Variants in CNTNAP2 observed in about 807,000 individuals in gnomAD.
CNTNAP2 encodes contactin-associated protein-like 2.
Under a neutral mutation model 155.2 loss-of-function variants are expected in CNTNAP2, and 98 were observed. The ratio of observed to expected loss-of-function variants is 0.63; its 90% confidence interval spans 0.54 to 0.75. The LOEUF (loss-of-function observed/expected upper bound fraction) is 0.75. Ranked by LOEUF, CNTNAP2 falls within the 30% of genes least tolerant of loss-of-function variation. The pLI, the probability that CNTNAP2 is intolerant of heterozygous loss-of-function variation, is 0.00. For synonymous variants in CNTNAP2, 651 were observed against 631.2 expected, an observed-to-expected ratio of 1.03 and a Z score of -0.47; for missense variants, 1,727 against 1,688.1, an observed-to-expected ratio of 1.02 and a Z score of -0.40.
intron 16 of CNTNAP2, among the ~76,000 whole-genome samples, chr7:148,126,266 G>A (rs141843799): frequency 5.9e-5 from 9 of 152,258 alleles, no homozygotes; most frequent in African/African-American, 1.4e-4. Flanking sequence ...CGAGGGTTAC[G>A]GAACATTAGT....
At chr7:147,475,322 G>T (rs915119152) in intron 10 of CNTNAP2, among the ~76,000 whole-genome samples, 4 of 152,104 alleles carry the variant, frequency 2.6e-5, no homozygotes, top group Non-Finnish European at 5.9e-5. Context: ...TCTCCAGTGT[G>T]CACTCTGATC....
At chr7:147,070,252 C>G (rs368144189) in intron 4 of CNTNAP2, among the ~76,000 whole-genome samples, 1 of 152,070 alleles carries the variant, frequency 6.6e-6, no homozygotes. Flanking sequence ...TCTCTTTTCA[C>G]GTGGAATCTT....
intron 13 of CNTNAP2, among the ~76,000 whole-genome samples, chr7:147,776,985 CA>C (rs548518069): frequency 6.6e-6 from 1 of 151,468 alleles, no homozygotes; most frequent in East Asian, 1.9e-4. Context: ...GTACATGTCT[CA>C]AAAAAAGACA....
intron 1 of CNTNAP2, among the ~76,000 whole-genome samples, chr7:146,397,890 T>A (rs970901949): frequency 6.6e-6 from 1 of 151,284 alleles, no homozygotes; most frequent in Non-Finnish European, 1.5e-5. Flanking sequence ...ATTTATTTAT[T>A]TTTGACATGG....
chr7:147,968,821 C>T (rs894677638), intron 14 of CNTNAP2, among the ~76,000 whole-genome samples: 29 of 152,004 alleles, frequency 1.9e-4, no homozygotes, highest in South Asian at 2.1e-4. Context: ...GACAAAATTG[C>T]ACAAAAAATT....
At chr7:148,205,278 G>C (rs769136183) in intron 18 of CNTNAP2, among the ~76,000 whole-genome samples, 1 of 152,262 alleles carries the variant, frequency 6.6e-6, no homozygotes, top group Non-Finnish European at 1.5e-5. Flanking sequence ...AAACACCCTG[G>C]TGTGTGCAAC....
intron 1 of CNTNAP2, among the ~76,000 whole-genome samples, chr7:146,402,722 A>C (rs1181060721): frequency 6.6e-6 from 1 of 152,142 alleles, no homozygotes; most frequent in Non-Finnish European, 1.5e-5. Context: ...AAATAAGAGA[A>C]ATAAATGTAA....
chr7:147,802,148 C>T (rs1361033220), intron 13 of CNTNAP2, among the ~76,000 whole-genome samples: 66 of 150,764 alleles, frequency 4.4e-4, no homozygotes, highest in African/African-American at 1.6e-3. Flanking sequence ...GGGTCGCGGC[C>T]GGGCAGAGGC....
At chr7:147,107,624 C>T (rs925071133) in intron 4 of CNTNAP2, among the ~76,000 whole-genome samples, 6 of 151,864 alleles carry the variant, frequency 4.0e-5, no homozygotes, top group Admixed American at 3.3e-4. Context: ...CTGAATACTA[C>T]AACAAGGTTT....
At chr7:148,307,233 G>A (rs1017800774) in intron 21 of CNTNAP2, among the ~76,000 whole-genome samples, 3 of 152,124 alleles carry the variant, frequency 2.0e-5, no homozygotes, top group Non-Finnish European at 4.4e-5. Context: ...AGAATACATC[G>A]TTCCTCTTCT....
chr7:148,337,608 C>A (rs1265453230), intron 21 of CNTNAP2, among the ~76,000 whole-genome samples: 1 of 152,226 alleles, frequency 6.6e-6, no homozygotes, highest in Admixed American at 6.5e-5. Flanking sequence ...TCTTGCCAGT[C>A]TCTCCACTTT....
chr7:146,407,365 T>C (rs891351952), intron 1 of CNTNAP2, among the ~76,000 whole-genome samples: 11 of 152,190 alleles, frequency 7.2e-5, no homozygotes, highest in African/African-American at 2.7e-4. Flanking sequence ...TGTCATGCTG[T>C]TACTACTGTG....
chr7:146,694,805 T>C (rs576348670), intron 1 of CNTNAP2, among the ~76,000 whole-genome samples: 3 of 152,270 alleles, frequency 2.0e-5, no homozygotes, highest in East Asian at 1.9e-4. Flanking sequence ...GTAGATCTTA[T>C]ACATATTTTG....
In CNTNAP2 at chr7:146,487,972, A is replaced by T. The variant is rs544701821; in HGVS notation, c.98-286299A>T. ...GTCAATGTTCAGAGATTTTTCAACAAGTCTGAGAAGTGTTAAGAAAAGAAA... is the reference window on the plus strand; with the variant it reads ...GTCAATGTTCAGAGATTTTTCAACATGTCTGAGAAGTGTTAAGAAAAGAAA... On this transcript the variant is annotated intron_variant, in intron 1 of 23. Transcript: ENST00000361727. Among the ~76,000 whole-genome samples, 22 of 152,320 alleles carry T rather than the reference A, an allele frequency of 1.4e-4. No individual in the cohort carries two copies. The East Asian group carries it at 3.7e-3, about 25-fold the overall frequency.
At chr7:146,395,831 GA>G (rs1563068459) in intron 1 of CNTNAP2, among the ~76,000 whole-genome samples, 3,303 of 108,990 alleles carry the variant, frequency 0.03, 147 homozygotes, top group African/African-American at 0.11. Context: ...ATAGAGGAGA[GA>G]GAGAGAGAGA....
At chr7:146,675,258 T>C (rs912590967) in intron 1 of CNTNAP2, among the ~76,000 whole-genome samples, 2 of 152,180 alleles carry the variant, frequency 1.3e-5, no homozygotes. Flanking sequence ...CGCTGTTTTT[T>C]CCCCTCATAC....
intron 3 of CNTNAP2, among the ~76,000 whole-genome samples, chr7:146,870,226 G>A (rs1157018435): frequency 2.0e-5 from 3 of 150,038 alleles, no homozygotes; most frequent in Non-Finnish European, 3.0e-5. Flanking sequence ...TTTTTTTTTG[G>A]TTGGCAGGCT....
intron 3 of CNTNAP2, among the ~76,000 whole-genome samples, chr7:146,921,081 G>A (rs927137312): frequency 1.2e-4 from 18 of 152,098 alleles, no homozygotes; most frequent in African/African-American, 4.3e-4. Context: ...TCTAGAAAAG[G>A]AAAAATTATA....
intron 16 of CNTNAP2, among the ~76,000 whole-genome samples, chr7:148,121,593 T>C (rs1804596144): frequency 6.6e-6 from 1 of 152,220 alleles, no homozygotes; most frequent in African/African-American, 2.4e-5. Flanking sequence ...TTTTTTTCTC[T>C]AAGCGTGTCT....
Sources: allele counts gnomAD v4.1 joint callset (sites outside exome capture counted in the v4.1 genomes callset), GRCh38; gene constraint gnomAD v4.1.1; transcripts MANE v1.5; gene names NCBI Gene and HGNC (gene_info 2026-07-23, HGNC 2026-07-21).